DNAAF1: variants seen among roughly 807,000 people sequenced by gnomAD.
The protein encoded by DNAAF1 is dynein axonemal assembly factor 1.
Under a neutral mutation model 71.1 loss-of-function variants are expected in DNAAF1, and 65 were observed. That is an observed-to-expected ratio of 0.91 (90% CI 0.75 to 1.12). The LOEUF is 1.12. Ranked by LOEUF, DNAAF1 falls within the 50% of genes most tolerant of loss-of-function variation. The pLI is 0.00. For missense variants in DNAAF1, 1,178 were observed against 899.8 expected (o/e 1.31, Z -3.96); for synonymous variants, 414 against 354.6 (o/e 1.17, Z -1.88).
chr16:84,175,664 G>T lies in DNAAF1; in HGVS notation c.1699-269G>T, dbSNP rs1420492037. The T allele has an allele frequency of 2.8e-5, 14 of 496,314 alleles. No individual in the cohort carries two copies. In the Admixed American group the frequency reaches 3.6e-4, roughly 13 times the overall value. The allele number at this position is 496,314 out of a possible 1,614,324, so 30.7% of individuals were successfully genotyped here. ...GCCAAGCAGAGCCCAGGGCTCAGGG[G>T]TGCGCCCTCTCAGGTACCAGGAGGG... On this transcript the variant is annotated intron_variant, in intron 10 of 11. Coordinates refer to ENST00000378553, the MANE Select transcript of DNAAF1 (RefSeq NM_178452.6).
intron 4 of DNAAF1, among the ~76,000 whole-genome samples, chr16:84,155,160 G>A (rs140717228): frequency 6.6e-6 from 1 of 152,116 alleles, no homozygotes; most frequent in South Asian, 2.1e-4. Context: ...CGCCCGCCTT[G>A]GCCTCCCAAA....
rs765095401 is a variant in DNAAF1 at position 84,169,818 on chromosome 16, C to A, written c.1031-41C>A. On this transcript the variant is annotated intron_variant, in intron 7 of 11. Coordinates refer to ENST00000378553, the MANE Select transcript of DNAAF1 (RefSeq NM_178452.6). ...GTACCCACAAACACCCTTGTCCTCC[C>A]AGGACACTCCCACATTCACCTTTGC... 3.1e-6 allele frequency: 5 copies of A among 1,612,070 alleles called. No individual in the cohort carries two copies. In the African/African-American group the frequency reaches 5.3e-5, roughly 17 times the overall value.
intron 6 of DNAAF1, among the ~76,000 whole-genome samples, chr16:84,165,573 C>G (rs2087930446): frequency 6.6e-6 from 1 of 152,056 alleles, no homozygotes; most frequent in South Asian, 2.1e-4. Context: ...TATTTTTTCT[C>G]TTGTCACTTG....
intron 7 of DNAAF1, among the ~76,000 whole-genome samples, chr16:84,166,715 T>C (rs1424476249): frequency 5.3e-5 from 8 of 152,198 alleles, no homozygotes; most frequent in Admixed American, 5.2e-4. Flanking sequence ...TGCAGATCCA[T>C]CTGCAGTTGG....
At chr16:84,146,585 C>G (rs531692612) in intron 1 of DNAAF1, among the ~76,000 whole-genome samples, 5 of 152,080 alleles carry the variant, frequency 3.3e-5, no homozygotes, top group Non-Finnish European at 7.4e-5. Flanking sequence ...GGCGTGGTGA[C>G]GTGCTCCTGT....
chr16:84,150,842 G>A (rs1031532909), intron 3 of DNAAF1, among the ~76,000 whole-genome samples: 3 of 152,102 alleles, frequency 2.0e-5, no homozygotes, highest in Admixed American at 1.3e-4. Flanking sequence ...TCAAACTCCT[G>A]AACCCAGTCG....
At chr16:84,166,699 A>T (rs34427724) in intron 7 of DNAAF1, among the ~76,000 whole-genome samples, 7,815 of 152,126 alleles carry the variant, frequency 0.051, 272 homozygotes, top group Non-Finnish European at 0.079. Flanking sequence ...CCATTTCCTC[A>T]CAACCTGCAG....
intron 9 of DNAAF1, chr16:84,174,156 G>A (rs2088529920): frequency 2.5e-5 from 25 of 998,532 alleles, no homozygotes; most frequent in Non-Finnish European, 3.0e-5. Flanking sequence ...TAGGCACCGT[G>A]GCTCCAGTTC....
intron 1 of DNAAF1, among the ~76,000 whole-genome samples, chr16:84,145,836 G>A (rs2086875811): frequency 6.6e-6 from 1 of 152,204 alleles, no homozygotes; most frequent in Non-Finnish European, 1.5e-5. Flanking sequence ...CTCAACGCCT[G>A]TAATTCCAGC....
intron 1 of DNAAF1, among the ~76,000 whole-genome samples, chr16:84,148,594 C>CTTTTTT (rs2087025255): frequency 3.3e-5 from 1 of 30,046 alleles, no homozygotes; most frequent in African/African-American, 1.1e-4. Flanking sequence ...CTCTCTCTCT[C>CTTTTTT]TCTTTTTTTT....
Position 84,156,036 on chromosome 16 carries a change from C to G in DNAAF1, c.741+287C>G, listed in dbSNP as rs904509973. Among the ~76,000 whole-genome samples the G allele has an allele frequency of 5.9e-5, 9 of 152,240 alleles. No individual in the cohort carries two copies. The South Asian group carries it at 1.9e-3, about 32-fold the overall frequency. ...TAGAGTGCTGTGGCATGAACTCCGC[C>G]CACTGCAACCTCTGCCTCTGGGTTC... On this transcript the variant is annotated intron_variant, in intron 5 of 11. Transcript: ENST00000378553.
chr16:84,159,466 A>C (rs1317267563), intron 5 of DNAAF1, among the ~76,000 whole-genome samples: 2 of 152,234 alleles, frequency 1.3e-5, no homozygotes, highest in African/African-American at 4.8e-5. Flanking sequence ...TGTGGAAGAA[A>C]GGGCTGCTGA....
At chr16:84,159,158 G>A (rs1011254665) in intron 5 of DNAAF1, 7 of 996,740 alleles carry the variant, frequency 7.0e-6, no homozygotes, top group Non-Finnish European at 7.2e-6. Context: ...GTGACAGCGG[G>A]GAGAGCTGTA....
intron 8 of DNAAF1, among the ~76,000 whole-genome samples, chr16:84,171,748 T>C (rs2088360884): frequency 6.6e-6 from 1 of 152,150 alleles, no homozygotes; most frequent in African/African-American, 2.4e-5. Flanking sequence ...GTGCTCTTCA[T>C]CTCATGGGAT....
intron 11 of DNAAF1, 27 bp downstream of exon 11, chr16:84,176,326 T>G (rs983042801): frequency 6.2e-7 from 1 of 1,612,574 alleles, no homozygotes. Context: ...GAGAGCACAG[T>G]GGAGACAATG....
At chr16:84,145,699 C>T (rs150344475) in intron 1 of DNAAF1, 135 bp downstream of exon 1, 2 of 1,190,490 alleles carry the variant, frequency 1.7e-6, no homozygotes, top group Non-Finnish European at 2.3e-6. Context: ...AAGCAACGCT[C>T]TGCAGTAGGG....
intron 7 of DNAAF1, among the ~76,000 whole-genome samples, chr16:84,166,453 T>C (rs2088006997): frequency 6.7e-6 from 1 of 149,662 alleles, no homozygotes; most frequent in Non-Finnish European, 1.5e-5. Flanking sequence ...CTTGGCTCAC[T>C]GCAACCTCTG....
At position 84,176,141 on chromosome 16, in the gene DNAAF1, GA is replaced by G; in HGVS notation, c.1911del (p.Lys637AsnfsTer10). The G allele has an allele frequency of 6.2e-7, 1 of 1,614,052 alleles. No individual in the cohort carries two copies. The highest frequency in any genetic ancestry group is 8.5e-7 in the Non-Finnish European group (1 of 1,179,994). ...KKEAKRDLEI[R>X]KQDTKSPRPL... is the part of the protein sequence containing the mutation. The stretch of plus-strand genomic sequence containing the variant: ...GAAGCTAAGAGGGACTTGGAAATCC[GA>G]AAACAAGACACCAAGTCCCCAAGAC... On this transcript the variant is annotated frameshift_variant, in exon 11 of 12. Coordinates refer to ENST00000378553, the MANE Select transcript of DNAAF1 (RefSeq NM_178452.6). LOFTEE classifies it high-confidence loss of function.
At chr16:84,172,197 G>C in intron 8 of DNAAF1, 63 bp from the exon 9 acceptor site, 1 of 1,508,618 alleles carries the variant, frequency 6.6e-7, no homozygotes, top group African/African-American at 1.4e-5. Flanking sequence ...CATCTTCACC[G>C]TAGGCTCGTC....
Sources: gnomAD v4.1 joint callset for allele counts (sites outside exome capture counted in the v4.1 genomes callset) on GRCh38, gnomAD v4.1.1 for gene constraint, MANE v1.5 for transcripts, NCBI Gene and HGNC (gene_info 2026-07-23, HGNC 2026-07-21) for gene names.